The following WDPCP variants were observed in gnomAD, a reference collection of about 807,000 sequenced individuals.
WDPCP encodes the protein WD repeat-containing and planar cell polarity effector protein fritz homolog.
A neutral mutation model predicts 93.1 loss-of-function variants in WDPCP; 71 were observed. The observed-to-expected ratio is 0.76, with a 90% CI of 0.63 to 0.93. The LOEUF (loss-of-function observed/expected upper bound fraction) is 0.93. Among genes scored for constraint, WDPCP ranks in the 40% least tolerant of loss-of-function variants. WDPCP has a pLI of 0.00. For synonymous variants in WDPCP, 315 were observed against 315.0 expected, an observed-to-expected ratio of 1.00 and a Z score of 0.00; for missense variants, 844 against 887.4, an observed-to-expected ratio of 0.95 and a Z score of 0.62.
At chr2:63,323,629 G>A (rs1687294183) in intron 12 of WDPCP, among the ~76,000 whole-genome samples, 1 of 152,108 alleles carries the variant, frequency 6.6e-6, no homozygotes, top group Admixed American at 6.5e-5. Context: ...ATCTTTATAG[G>A]ACATGGTTAA....
At chr2:63,212,513 A>G (rs1676911524) in intron 14 of WDPCP, among the ~76,000 whole-genome samples, 1 of 152,214 alleles carries the variant, frequency 6.6e-6, no homozygotes, top group African/African-American at 2.4e-5. Context: ...CTGCAAAAAC[A>G]TGCCAAATTG....
intron 2 of WDPCP, among the ~76,000 whole-genome samples, chr2:63,744,363 T>C (rs1669764301): frequency 6.6e-6 from 1 of 152,142 alleles, no homozygotes; most frequent in African/African-American, 2.4e-5. Flanking sequence ...CTCGTTTTTG[T>C]CTTCAGTAAA....
At chr2:63,623,041 T>C (rs1359977301) in intron 3 of WDPCP, among the ~76,000 whole-genome samples, 1 of 152,248 alleles carries the variant, frequency 6.6e-6, no homozygotes, top group African/African-American at 2.4e-5. Context: ...CTCAACATTC[T>C]TAAAGAAAAG....
upstream of WDPCP, among the ~76,000 whole-genome samples, chr2:63,591,213 C>T (rs898882874): frequency 2.0e-5 from 3 of 152,198 alleles, no homozygotes; most frequent in African/African-American, 7.2e-5. Context: ...GAATAGTAAC[C>T]TATGTTCACA....
chr2:63,294,508 GAAAAAAAAAAA>G (rs59228476), intron 13 of WDPCP, among the ~76,000 whole-genome samples: 7 of 48,324 alleles, frequency 1.4e-4, no homozygotes, highest in Admixed American at 3.0e-4. Flanking sequence ...AGACTGTTTC[GAAAAAAAAAAA>G]AAAAAAAAAA....
chr2:63,235,383 G>C (rs114030392), intron 14 of WDPCP, among the ~76,000 whole-genome samples: 50 of 152,232 alleles, frequency 3.3e-4, no homozygotes, highest in African/African-American at 1.2e-3. Context: ...AAAAGCCCTG[G>C]CACAGATGGA....
At chr2:63,424,137 C>G (rs1696075984) in intron 9 of WDPCP, among the ~76,000 whole-genome samples, 1 of 151,776 alleles carries the variant, frequency 6.6e-6, no homozygotes, top group Non-Finnish European at 1.5e-5. Flanking sequence ...ATTCTAGCTA[C>G]AAGAGATCCC....
At chr2:63,434,085 C>A in intron 8 of WDPCP, 149 bp from the exon 9 acceptor site, 2 of 759,554 alleles carry the variant, frequency 2.6e-6, no homozygotes, top group East Asian at 2.7e-5. Context: ...TCAGAATTTA[C>A]CAAATTCTTC....
chr2:63,581,228 G>A (rs1708475902), intron 1 of WDPCP, among the ~76,000 whole-genome samples: 1 of 152,156 alleles, frequency 6.6e-6, no homozygotes, highest in African/African-American at 2.4e-5. Context: ...TGCAAGGAAG[G>A]GGAAACCAGG....
chr2:63,823,684 A>T (rs995836841), intron 1 of WDPCP, among the ~76,000 whole-genome samples: 1 of 152,058 alleles, frequency 6.6e-6, no homozygotes, highest in African/African-American at 2.4e-5. Flanking sequence ...TCTCCCCCTA[A>T]ATACACTCTC....
At chr2:63,424,951 G>A (rs377746060) in intron 9 of WDPCP, among the ~76,000 whole-genome samples, 48 of 152,282 alleles carry the variant, frequency 3.2e-4, no homozygotes, top group African/African-American at 1.0e-3. Context: ...GAGATGCTGC[G>A]AATGTGCTGA....
At chr2:63,468,560 T>C (rs1037814931) in intron 6 of WDPCP, among the ~76,000 whole-genome samples, 7 of 152,184 alleles carry the variant, frequency 4.6e-5, no homozygotes, top group African/African-American at 1.7e-4. Flanking sequence ...CATTCTTGTG[T>C]ATGTAACACA....
intron 9 of WDPCP, among the ~76,000 whole-genome samples, chr2:63,411,315 T>C (rs1260271980): frequency 6.6e-6 from 1 of 152,030 alleles, no homozygotes; most frequent in Non-Finnish European, 1.5e-5. Context: ...AGATGGAAAT[T>C]TAAAAAATTC....
At chr2:63,610,148 A>G (rs1709600133) in intron 3 of WDPCP, among the ~76,000 whole-genome samples, 1 of 152,166 alleles carries the variant, frequency 6.6e-6, no homozygotes, top group African/African-American at 2.4e-5. Context: ...AAGCAGCATG[A>G]TAATATGTGA....
rs190065237 is a variant in WDPCP at position 63,813,843 on chromosome 2, C to T, written n.223-136G>A. The T allele has an allele frequency of 3.2e-4, 48 of 152,180 alleles. No individual in the cohort carries two copies. The East Asian group carries it at 4.6e-3, about 15-fold the overall frequency. The allele number at this position is 152,180 out of a possible 1,614,324, so 9.4% of individuals were successfully genotyped here. A position where few individuals can be genotyped will look rare whatever the true frequency, so the allele number is the denominator to read the frequency against. ...ACTAACATATTCCATATCATAGATA[C>T]GTTTGCAGATAAATATTAATATGTT... On this transcript the variant is annotated intron_variant and non_coding_transcript_variant, in intron 1 of 4. Transcript: ENST00000467687.
At chr2:63,607,905 T>C (rs1709570887) in intron 3 of WDPCP, among the ~76,000 whole-genome samples, 1 of 151,578 alleles carries the variant, frequency 6.6e-6, no homozygotes, top group African/African-American at 2.4e-5. Context: ...GATAGATATA[T>C]ATACATTTTT....
chr2:63,621,376 A>G (rs534087955), intron 3 of WDPCP, among the ~76,000 whole-genome samples: 1 of 152,158 alleles, frequency 6.6e-6, no homozygotes, highest in South Asian at 2.1e-4. Context: ...TTCGTGAAGC[A>G]TACACAAGTA....
intron 14 of WDPCP, among the ~76,000 whole-genome samples, chr2:63,243,069 C>T (rs1373426307): frequency 1.3e-5 from 2 of 152,164 alleles, no homozygotes; most frequent in African/African-American, 2.4e-5. Context: ...TCTTGTTTTA[C>T]AGTAGCTTAG....
chr2:63,808,856 G>A (rs1670813771), intron 2 of WDPCP, among the ~76,000 whole-genome samples: 1 of 151,674 alleles, frequency 6.6e-6, no homozygotes, highest in Non-Finnish European at 1.5e-5. Context: ...TGGAAAGTGA[G>A]GAGCGTCTCT....
Sources: gnomAD v4.1 joint callset for allele counts (sites outside exome capture counted in the v4.1 genomes callset) on GRCh38, gnomAD v4.1.1 for gene constraint, MANE v1.5 for transcripts, NCBI Gene and HGNC (gene_info 2026-07-23, HGNC 2026-07-21) for gene names.